Variants in CSMD1 observed in about 807,000 individuals in gnomAD.
The protein encoded by CSMD1 is CUB and Sushi multiple domains 1.
In CSMD1, 213 loss-of-function variants were observed where a neutral mutation model predicts 417.5. The ratio of observed to expected loss-of-function variants is 0.51; its 90% CI spans 0.46 to 0.57. The LOEUF (loss-of-function observed/expected upper bound fraction) is 0.57. CSMD1 is among the 20% of genes least tolerant of loss of function. The pLI, the probability that CSMD1 is intolerant of heterozygous loss-of-function variation, is 0.00. For synonymous variants in CSMD1, 2,862 were observed against 1,736.8 expected (o/e 1.65, Z -16.11); for missense variants, 6,923 against 4,529.7 (o/e 1.53, Z -15.17).
chr8:3,966,481 T>C (rs145343118), intron 5 of CSMD1, among the ~76,000 whole-genome samples: 8 of 152,266 alleles, frequency 5.3e-5, no homozygotes, highest in African/African-American at 1.9e-4. Context: ...ATTTCTGTTA[T>C]TTATTTATTG....
chr8:4,025,255 G>A (rs1046914618), intron 4 of CSMD1, among the ~76,000 whole-genome samples: 1 of 152,178 alleles, frequency 6.6e-6, no homozygotes, highest in Non-Finnish European at 1.5e-5. Flanking sequence ...ATATTTACCT[G>A]CTTCCTTTCT....
chr8:3,553,536 G>A (rs931182847), intron 10 of CSMD1, among the ~76,000 whole-genome samples: 11 of 152,160 alleles, frequency 7.2e-5, no homozygotes, highest in Admixed American at 2.6e-4. Context: ...GATTGCTGCC[G>A]TGGCACAGAC....
rs77657931 is a variant in CSMD1 at position 3,486,478 on chromosome 8, G to A, written c.1448+7145C>T. ...AAATGCTTTTGACTGATGAATTCTGGAAGAGATTCCTGGGTCTTTTGGGTC... is the reference window on the plus strand; with the variant it reads ...AAATGCTTTTGACTGATGAATTCTGAAAGAGATTCCTGGGTCTTTTGGGTC... On this transcript the variant is annotated intron_variant, in intron 11 of 69. Coordinates refer to ENST00000635120, the MANE Select transcript of CSMD1 (RefSeq NM_033225.6). Among the ~76,000 whole-genome samples, 616 of 152,268 alleles carry A rather than the reference G, an allele frequency of 4.0e-3. 3 individuals are homozygous for A. Among genetic ancestry groups the A allele is most frequent in the African/African-American group, 0.014 (588 of 41,546 alleles).
intron 8 of CSMD1, among the ~76,000 whole-genome samples, chr8:3,594,075 C>T (rs1800979739): frequency 6.6e-6 from 1 of 152,146 alleles, no homozygotes; most frequent in African/African-American, 2.4e-5. Flanking sequence ...ACCAGAACAC[C>T]TCCAATATCT....
At chr8:3,258,651 G>T (rs59445989) in intron 26 of CSMD1, among the ~76,000 whole-genome samples, 4 of 152,250 alleles carry the variant, frequency 2.6e-5, no homozygotes, top group African/African-American at 4.8e-5. Context: ...CATATGTTCA[G>T]TGCAGCACTA....
intron 8 of CSMD1, among the ~76,000 whole-genome samples, chr8:3,592,793 A>G (rs1261651452): frequency 6.6e-6 from 1 of 152,156 alleles, no homozygotes; most frequent in Non-Finnish European, 1.5e-5. Context: ...ACACGTTAAA[A>G]GTTACAGACT....
Position 4,109,863 on chromosome 8 carries a change from G to C in CSMD1, c.416-77764C>G, listed in dbSNP as rs186331548. Among the ~76,000 whole-genome samples, 189 of 152,246 alleles carry C rather than the reference G, an allele frequency of 1.2e-3. 2 individuals are homozygous for C. The East Asian group carries it at 0.022, about 18-fold the overall frequency. Reference sequence around the variant, plus strand: ...AGATAAAAATAAGGGAGAGGTCCAAGACAGTCATTGTGCTTTTTCTCATAA... The same window carrying C: ...AGATAAAAATAAGGGAGAGGTCCAACACAGTCATTGTGCTTTTTCTCATAA... On this transcript the variant is annotated intron_variant, in intron 3 of 69. Transcript: ENST00000635120.
At chr8:4,003,419 C>CAAACAAAT (rs1554513237) in intron 4 of CSMD1, among the ~76,000 whole-genome samples, 1,835 of 150,202 alleles carry the variant, frequency 0.012, 42 homozygotes, top group African/African-American at 0.042. Context: ...AAAAAACAAA[C>CAAACAAAT]AAATAAATAA....
chr8:4,689,614 C>G (rs1471617678), intron 1 of CSMD1, among the ~76,000 whole-genome samples: 1 of 152,130 alleles, frequency 6.6e-6, no homozygotes, highest in Non-Finnish European at 1.5e-5. Context: ...TTTTCTAGTT[C>G]AGAGGACAGA....
chr8:4,321,867 GAATA>G (rs1405113741), intron 3 of CSMD1, among the ~76,000 whole-genome samples: 1 of 151,964 alleles, frequency 6.6e-6, no homozygotes, highest in Non-Finnish European at 1.5e-5. Context: ...CAGAAGAAAT[GAATA>G]AATAATATAT....
intron 26 of CSMD1, among the ~76,000 whole-genome samples, chr8:3,276,730 A>C (rs1393186740): frequency 6.6e-6 from 1 of 152,182 alleles, no homozygotes; most frequent in Non-Finnish European, 1.5e-5. Context: ...CTCAATTACA[A>C]AGCATATTGT....
chr8:4,944,635 G>C (rs753188601), intron 1 of CSMD1, among the ~76,000 whole-genome samples: 3 of 152,136 alleles, frequency 2.0e-5, no homozygotes, highest in Admixed American at 6.5e-5. Context: ...TGGCCAACAA[G>C]CATATGAAGA....
intron 3 of CSMD1, among the ~76,000 whole-genome samples, chr8:4,418,591 G>A (rs572711920): frequency 6.6e-6 from 1 of 152,128 alleles, no homozygotes; most frequent in African/African-American, 2.4e-5. Flanking sequence ...TATGTTAACA[G>A]GACAAAATAT....
chr8:4,799,180 G>C (rs918749182), intron 1 of CSMD1, among the ~76,000 whole-genome samples: 1 of 152,134 alleles, frequency 6.6e-6, no homozygotes, highest in Non-Finnish European at 1.5e-5. Context: ...TACATGACAG[G>C]CACTCACAAG....
At chr8:4,344,320 C>G (rs1800654084) in intron 3 of CSMD1, among the ~76,000 whole-genome samples, 1 of 152,016 alleles carries the variant, frequency 6.6e-6, no homozygotes, top group Non-Finnish European at 1.5e-5. Flanking sequence ...CAGACGTGGC[C>G]TTCAAATCAG....
At chr8:4,906,931 AT>A (rs1244486103) in intron 1 of CSMD1, among the ~76,000 whole-genome samples, 1 of 152,122 alleles carries the variant, frequency 6.6e-6, no homozygotes, top group Non-Finnish European at 1.5e-5. Context: ...ATTAGTAGGT[AT>A]TTTCCTATTA....
At chr8:3,811,402 G>A (rs952813975) in intron 5 of CSMD1, among the ~76,000 whole-genome samples, 40 of 152,292 alleles carry the variant, frequency 2.6e-4, no homozygotes, top group African/African-American at 9.6e-4. Flanking sequence ...TATAGACCAT[G>A]TAGTAAGGCA....
chr8:4,033,460 C>T (rs1271124809), intron 3 of CSMD1, among the ~76,000 whole-genome samples: 1 of 152,052 alleles, frequency 6.6e-6, no homozygotes, highest in Non-Finnish European at 1.5e-5. Flanking sequence ...AAAACAACAA[C>T]AATAAAAAAA....
At position 2,937,454 on chromosome 8, in the gene CSMD1, A is replaced by AAAAAAAAAAAAC. The variant is rs1563163139; in HGVS notation, c.*1130_*1131insGTTTTTTTTTTT. On this transcript the variant is annotated 3_prime_UTR_variant, in exon 70 of 70. Coordinates refer to ENST00000635120, the MANE Select transcript of CSMD1 (RefSeq NM_033225.6). ...GTAAAAGACAAAAAAAAAAAAAAAC[A>AAAAAAAAAAAAC]AAAAAAAAACACTGCAAAAGGGAAG... 2.8e-3 allele frequency: 197 copies of AAAAAAAAAAAAC among 69,680 alleles called. No individual in the cohort carries two copies. The highest frequency in any genetic ancestry group is 3.9e-3 in the East Asian group (6 of 1,538). The allele number at this position is 69,680 out of a possible 1,614,324, so 4.3% of individuals were successfully genotyped here.
Sources: allele counts gnomAD v4.1 joint callset (sites outside exome capture counted in the v4.1 genomes callset), GRCh38; gene constraint gnomAD v4.1.1; transcripts MANE v1.5; gene names NCBI Gene and HGNC (gene_info 2026-07-23, HGNC 2026-07-21).